CSMD3: variants seen among roughly 807,000 people sequenced by gnomAD.
The protein encoded by CSMD3 is CUB and sushi domain-containing protein 3.
Under a neutral mutation model 435.2 loss-of-function variants are expected in CSMD3, and 177 were observed. The observed-to-expected ratio is 0.41, with a 90% CI of 0.36 to 0.46. The LOEUF (loss-of-function observed/expected upper bound fraction) is 0.46. Ranked by LOEUF, CSMD3 falls within the 20% of genes least tolerant of loss-of-function variation. CSMD3 has a pLI of 0.34. For synonymous variants in CSMD3, 1,656 were observed against 1,520.5 expected (o/e 1.09, Z -2.07); for missense variants, 4,265 against 4,504.6 (o/e 0.95, Z 1.52).
chr8:112,229,003 A>T, intron 69 of CSMD3, 112 bp from the exon 70 acceptor site: 1 of 668,904 alleles, frequency 1.5e-6, no homozygotes, highest in Non-Finnish European at 2.6e-6. Flanking sequence ...TGGAAATCAC[A>T]TAGTAAACAA....
chr8:112,678,018 A>G (rs1563841785), intron 16 of CSMD3, among the ~76,000 whole-genome samples: 1 of 152,132 alleles, frequency 6.6e-6, no homozygotes, highest in Non-Finnish European at 1.5e-5. Context: ...TGTATTATTT[A>G]TACTGTTTTT....
chr8:113,340,707 A>T (rs1267820860), intron 1 of CSMD3, among the ~76,000 whole-genome samples: 4 of 152,138 alleles, frequency 2.6e-5, no homozygotes, highest in African/African-American at 9.6e-5. Context: ...CCCTGTCTCT[A>T]CCAAAAATAC....
chr8:113,269,788 C>T (rs1271905280), intron 3 of CSMD3, among the ~76,000 whole-genome samples: 1 of 152,062 alleles, frequency 6.6e-6, no homozygotes, highest in Non-Finnish European at 1.5e-5. Flanking sequence ...GGATCCCTTC[C>T]TTACACCTTA....
chr8:112,874,902 A>T (rs1404539403), intron 10 of CSMD3, among the ~76,000 whole-genome samples: 1 of 151,988 alleles, frequency 6.6e-6, no homozygotes, highest in Non-Finnish European at 1.5e-5. Context: ...TAATTGGGGC[A>T]CTCAGCCAGT....
intron 42 of CSMD3, 114 bp downstream of exon 42, chr8:112,341,363 G>GTTTTTTT: frequency 8.9e-6 from 6 of 670,396 alleles, no homozygotes; most frequent in Non-Finnish European, 7.2e-6. Flanking sequence ...CTTGGCTTAA[G>GTTTTTTT]TTTTTTTTTT....
At chr8:112,733,380 G>A (rs969170564) in intron 13 of CSMD3, among the ~76,000 whole-genome samples, 4 of 148,032 alleles carry the variant, frequency 2.7e-5, no homozygotes, top group African/African-American at 9.8e-5. Flanking sequence ...GTGCTTGTTA[G>A]TTTTTTTTTT....
At chr8:113,029,757 T>C (rs780290535) in intron 5 of CSMD3, among the ~76,000 whole-genome samples, 1 of 151,488 alleles carries the variant, frequency 6.6e-6, no homozygotes, top group African/African-American at 2.4e-5. Context: ...TTCAACATAG[T>C]ACTGGAAATC....
chr8:113,201,722 G>A (rs192730968), intron 3 of CSMD3, among the ~76,000 whole-genome samples: 12 of 151,970 alleles, frequency 7.9e-5, no homozygotes, highest in Non-Finnish European at 1.5e-5. Flanking sequence ...AAAATCGTAT[G>A]CTGATTTTTA....
At chr8:112,931,931 A>G (rs932281923) in intron 9 of CSMD3, among the ~76,000 whole-genome samples, 7 of 152,182 alleles carry the variant, frequency 4.6e-5, no homozygotes, top group African/African-American at 1.4e-4. Context: ...CTATTACCAT[A>G]AAGACCTAAA....
chr8:112,844,387 C>A (rs1299648464), intron 11 of CSMD3, among the ~76,000 whole-genome samples: 1 of 151,904 alleles, frequency 6.6e-6, no homozygotes, highest in Non-Finnish European at 1.5e-5. Flanking sequence ...GAATTCCTAG[C>A]TGGTAGCAAG....
At chr8:112,229,924 G>C (rs934739169) in intron 69 of CSMD3, among the ~76,000 whole-genome samples, 4 of 151,528 alleles carry the variant, frequency 2.6e-5, no homozygotes, top group Non-Finnish European at 4.4e-5. Flanking sequence ...ATTTAAACTA[G>C]AGAAATAGGA....
At chr8:113,234,965 T>C (rs899881209) in intron 3 of CSMD3, among the ~76,000 whole-genome samples, 1 of 152,096 alleles carries the variant, frequency 6.6e-6, no homozygotes, top group Non-Finnish European at 1.5e-5. Flanking sequence ...GGTATTCATC[T>C]GCTCTATGGA....
intron 13 of CSMD3, among the ~76,000 whole-genome samples, chr8:112,772,237 A>C (rs925765137): frequency 6.6e-6 from 1 of 152,030 alleles, no homozygotes; most frequent in Non-Finnish European, 1.5e-5. Flanking sequence ...TAGACATAAG[A>C]GACTCCATTT....
intron 6 of CSMD3, among the ~76,000 whole-genome samples, chr8:112,991,372 C>T (rs1201698332): frequency 6.6e-6 from 1 of 151,600 alleles, no homozygotes; most frequent in East Asian, 1.9e-4. Flanking sequence ...TCTCAGATCC[C>T]CCATTTATGC....
intron 2 of CSMD3, among the ~76,000 whole-genome samples, chr8:113,301,737 T>G (rs901846957): frequency 1.3e-5 from 2 of 152,068 alleles, no homozygotes; most frequent in Non-Finnish European, 2.9e-5. Flanking sequence ...TATATTTTTA[T>G]GTTGATAAAT....
intron 24 of CSMD3, among the ~76,000 whole-genome samples, chr8:112,560,933 C>T (rs1392949351): frequency 6.6e-6 from 1 of 151,560 alleles, no homozygotes; most frequent in Non-Finnish European, 1.5e-5. Context: ...GCTCTGTTTT[C>T]AAGGTTTATT....
At chr8:113,108,898 A>G (rs1287174403) in intron 4 of CSMD3, among the ~76,000 whole-genome samples, 1 of 152,216 alleles carries the variant, frequency 6.6e-6, no homozygotes, top group African/African-American at 2.4e-5. Context: ...AGTCACAATC[A>G]AAATACTGGC....
At chr8:113,019,932 G>A (rs548068373) in intron 5 of CSMD3, among the ~76,000 whole-genome samples, 22 of 151,972 alleles carry the variant, frequency 1.4e-4, no homozygotes, top group Non-Finnish European at 2.5e-4. Flanking sequence ...GGGAGGCCGA[G>A]GCGGGTGGAT....
chr8:112,359,656 T>G (rs75863868), intron 38 of CSMD3, among the ~76,000 whole-genome samples: 2,786 of 152,244 alleles, frequency 0.018, 40 homozygotes, highest in Non-Finnish European at 0.028. Context: ...ATAAAAGCAG[T>G]GACTTGATAG....
Sources: allele counts gnomAD v4.1 joint callset (sites outside exome capture counted in the v4.1 genomes callset), GRCh38; gene constraint gnomAD v4.1.1; transcripts MANE v1.5; gene names NCBI Gene and HGNC (gene_info 2026-07-23, HGNC 2026-07-21).